GRID1: variants seen among roughly 807,000 people sequenced by gnomAD.
GRID1 encodes glutamate receptor ionotropic, delta-1.
In GRID1, 28 loss-of-function variants were observed where a neutral mutation model predicts 98.0. The observed-to-expected ratio is 0.29, with a 90% CI of 0.21 to 0.39. The LOEUF is 0.39. Among genes scored for constraint, GRID1 ranks in the 10% least tolerant of loss-of-function variants. The pLI is 1.00. For synonymous variants in GRID1, 553 were observed against 538.5 expected, an observed-to-expected ratio of 1.03 and a Z score of -0.37; for missense variants, 1,111 against 1,340.5, an observed-to-expected ratio of 0.83 and a Z score of 2.67.
intron 12 of GRID1, among the ~76,000 whole-genome samples, chr10:85,654,289 A>T (rs2132561223): frequency 6.6e-6 from 1 of 152,334 alleles, no homozygotes; most frequent in South Asian, 2.1e-4. Context: ...AACTGCTAAA[A>T]ACTCAAAGCA....
chr10:85,853,208 C>T (rs1260129074), intron 8 of GRID1, among the ~76,000 whole-genome samples: 1 of 152,122 alleles, frequency 6.6e-6, no homozygotes. Flanking sequence ...ATCTTTCTAC[C>T]CTGGCCCTCA....
chr10:85,835,556 T>G (rs2131765927), intron 8 of GRID1, among the ~76,000 whole-genome samples: 1 of 152,316 alleles, frequency 6.6e-6, no homozygotes, highest in East Asian at 1.9e-4. Flanking sequence ...ATCATGATTG[T>G]GAGGCCTACC....
chr10:86,247,987 C>A (rs1054750795), intron 2 of GRID1, among the ~76,000 whole-genome samples: 1 of 152,202 alleles, frequency 6.6e-6, no homozygotes, highest in African/African-American at 2.4e-5. Context: ...ACAACCAGAT[C>A]CCCCCACAAC....
At chr10:85,835,107 A>G (rs1842901626) in intron 8 of GRID1, among the ~76,000 whole-genome samples, 1 of 152,232 alleles carries the variant, frequency 6.6e-6, no homozygotes. Context: ...TTTTAAAAGG[A>G]AAAATCCATC....
At chr10:85,632,117 A>G (rs1363074542) in intron 13 of GRID1, among the ~76,000 whole-genome samples, 1 of 152,152 alleles carries the variant, frequency 6.6e-6, no homozygotes, top group African/African-American at 2.4e-5. Flanking sequence ...TGAATAAAAG[A>G]TGAAAGGATG....
chr10:86,301,215 T>C (rs1293545590), intron 2 of GRID1, among the ~76,000 whole-genome samples: 1 of 152,122 alleles, frequency 6.6e-6, no homozygotes, highest in Non-Finnish European at 1.5e-5. Flanking sequence ...AGCTGAGAGG[T>C]ACCTCACCTT....
At chr10:85,676,157 T>G (rs894835657) in intron 12 of GRID1, among the ~76,000 whole-genome samples, 1 of 152,168 alleles carries the variant, frequency 6.6e-6, no homozygotes, top group Non-Finnish European at 1.5e-5. Flanking sequence ...ATACTTTTAG[T>G]GTTTCACCTC....
chr10:86,181,656 A>G (rs1213068610), intron 3 of GRID1, among the ~76,000 whole-genome samples: 1 of 152,226 alleles, frequency 6.6e-6, no homozygotes, highest in Non-Finnish European at 1.5e-5. Flanking sequence ...CCCTAGAGAA[A>G]AAAACAGAAA....
chr10:85,962,424 T>C (rs1327648481), intron 4 of GRID1, among the ~76,000 whole-genome samples: 1 of 152,064 alleles, frequency 6.6e-6, no homozygotes. Flanking sequence ...TGCATAGACC[T>C]CCCAAGCACC....
At chr10:86,136,288 C>T (rs1422090447) in intron 4 of GRID1, among the ~76,000 whole-genome samples, 1 of 152,176 alleles carries the variant, frequency 6.6e-6, no homozygotes, top group Non-Finnish European at 1.5e-5. Flanking sequence ...TTAGGAGATA[C>T]GTTAAAATGC....
intron 13 of GRID1, among the ~76,000 whole-genome samples, chr10:85,641,494 T>C (rs1055741527): frequency 2.0e-5 from 3 of 151,502 alleles, no homozygotes; most frequent in African/African-American, 7.3e-5. Flanking sequence ...CACAAGGGGG[T>C]GGAAACACAT....
intron 2 of GRID1, among the ~76,000 whole-genome samples, chr10:86,353,274 C>T (rs991233076): frequency 2.6e-5 from 4 of 152,242 alleles, no homozygotes; most frequent in Non-Finnish European, 4.4e-5. Context: ...AGGATGCCAC[C>T]TCCCAACTGG....
chr10:85,999,613 A>C (rs1842781390), intron 4 of GRID1, among the ~76,000 whole-genome samples: 2 of 152,212 alleles, frequency 1.3e-5, no homozygotes, highest in Non-Finnish European at 2.9e-5. Flanking sequence ...TGAAAAATTA[A>C]TATGTCATGG....
chr10:86,181,505 G>T (rs181723987), intron 3 of GRID1, among the ~76,000 whole-genome samples: 97 of 152,324 alleles, frequency 6.4e-4, no homozygotes, highest in African/African-American at 2.2e-3. Flanking sequence ...GAAACAAGGA[G>T]GAGACAGTCA....
At chr10:85,973,118 A>G (rs1379785464) in intron 4 of GRID1, among the ~76,000 whole-genome samples, 1 of 152,212 alleles carries the variant, frequency 6.6e-6, no homozygotes, top group Non-Finnish European at 1.5e-5. Flanking sequence ...TCACTTGTTC[A>G]TTCATACCTT....
intron 2 of GRID1, among the ~76,000 whole-genome samples, chr10:86,342,427 A>C (rs1195287636): frequency 6.6e-6 from 1 of 152,138 alleles, no homozygotes; most frequent in Non-Finnish European, 1.5e-5. Context: ...TTCCCAGTAC[A>C]CACACACTCC....
intron 2 of GRID1, among the ~76,000 whole-genome samples, chr10:86,344,620 A>C (rs1848356715): frequency 2.0e-5 from 3 of 152,220 alleles, no homozygotes; most frequent in Admixed American, 2.0e-4. Context: ...TTGGAGCCAA[A>C]GTACACTTGT....
At chr10:86,068,522 C>A (rs1002036787) in intron 4 of GRID1, among the ~76,000 whole-genome samples, 2 of 152,146 alleles carry the variant, frequency 1.3e-5, no homozygotes, top group Non-Finnish European at 2.9e-5. Context: ...ATAAAACATA[C>A]CCTACATTTT....
At chr10:86,232,776 A>AT (rs563163106) in intron 2 of GRID1, among the ~76,000 whole-genome samples, 23 of 151,610 alleles carry the variant, frequency 1.5e-4, no homozygotes, top group East Asian at 7.8e-4. Context: ...GTCTATAAAT[A>AT]TTTTTTTTTA....
Sources: gnomAD v4.1 joint callset for allele counts (sites outside exome capture counted in the v4.1 genomes callset) on GRCh38, gnomAD v4.1.1 for gene constraint, MANE v1.5 for transcripts, NCBI Gene and HGNC (gene_info 2026-07-23, HGNC 2026-07-21) for gene names.